The following MRPL45 variants were observed in gnomAD, a reference collection of about 807,000 sequenced individuals.
MRPL45 encodes large ribosomal subunit protein mL45.
A neutral mutation model predicts 38.1 loss-of-function variants in MRPL45; 20 were observed. That is an observed-to-expected ratio of 0.53 (90% CI 0.37 to 0.76). The LOEUF (loss-of-function observed/expected upper bound fraction) is 0.76. Ranked by LOEUF, MRPL45 falls within the 30% of genes least tolerant of loss-of-function variation. MRPL45 has a pLI of 0.00. For missense variants in MRPL45, 337 were observed against 395.6 expected (o/e 0.85, Z 1.26); for synonymous variants, 105 against 128.8 (o/e 0.82, Z 1.25).
chr17:38,302,505 A>ATT (rs1567713066), intron 3 of MRPL45, among the ~76,000 whole-genome samples: 1 of 50,586 alleles, frequency 2.0e-5, no homozygotes, highest in African/African-American at 4.8e-5. Flanking sequence ...AAAAAAAAAA[A>ATT]GTTTGTTTTT....
chr17:38,302,472 G>T (rs1482877397), intron 3 of MRPL45, among the ~76,000 whole-genome samples: 1 of 119,740 alleles, frequency 8.4e-6, no homozygotes, highest in Non-Finnish European at 1.6e-5. Context: ...GGGCAACAGA[G>T]TGAGACTCCA....
At chr17:38,316,970 G>A (rs1474130156) in intron 4 of MRPL45, among the ~76,000 whole-genome samples, 2 of 151,838 alleles carry the variant, frequency 1.3e-5, no homozygotes, top group African/African-American at 2.4e-5. Context: ...GCTAATTTTT[G>A]TATTTTTAGT....
intron 3 of MRPL45, among the ~76,000 whole-genome samples, chr17:38,300,267 C>T (rs566520652): frequency 1.6e-4 from 24 of 151,950 alleles, no homozygotes; most frequent in Non-Finnish European, 2.5e-4. Flanking sequence ...CCACCCACCT[C>T]AGCCTCCTGA....
At position 38,318,799 on chromosome 17, in the gene MRPL45, T is replaced by C. The variant is rs974683907; in HGVS notation, c.510+64T>C. ...GTGGGCAGATTCTAGATGGCGTCTCTGGTTTTTCTTTTCTTTTCTTTTCTT... is the reference window on the plus strand; with the variant it reads ...GTGGGCAGATTCTAGATGGCGTCTCCGGTTTTTCTTTTCTTTTCTTTTCTT... On this transcript the variant is annotated intron_variant, in intron 5 of 7. Transcript: ENST00000613675. 6 of 1,128,084 alleles carry C rather than the reference T, an allele frequency of 5.3e-6. No individual in the cohort carries two copies. In the African/African-American group the frequency reaches 8.3e-5, roughly 16 times the overall value. The allele number at this position is 1,128,084 out of a possible 1,614,324, so 69.9% of individuals were successfully genotyped here.
Position 38,313,321 on chromosome 17 carries a change from T to A in MRPL45, c.462-5366T>A, listed in dbSNP as rs562442137. 2.1e-3 allele frequency among the ~76,000 whole-genome samples: 75 copies of A among 35,056 alleles called. 3 individuals are homozygous for A. Among genetic ancestry groups the A allele is most frequent in the Non-Finnish European group, 2.8e-3 (60 of 21,076 alleles). The allele number at this position is 35,056 out of a possible 152,430, so 23.0% of individuals were successfully genotyped here. On this transcript the variant is annotated intron_variant, in intron 4 of 7. Coordinates refer to ENST00000613675, the MANE Select transcript of MRPL45 (RefSeq NM_032351.6). ...TTAAAAAAAAAAAAAAATATATATA[T>A]ATATATATATACATATATATATATA... is the stretch of plus-strand genomic sequence containing the variant.
chr17:38,299,393 G>A lies in MRPL45; in HGVS notation c.287G>A (p.Arg96His), dbSNP rs201673456. Residue 96 changes from arginine (R) to histidine (H), a missense_variant, in exon 3 of 8, where the codon CGC becomes CAC. Physicochemically the swap from Arg to His is conservative, Grantham distance 29. This residue lies in a region of MRPL45 where 60 missense variants were observed against 109.6 expected (regional missense o/e 0.55). Coordinates refer to ENST00000613675, the MANE Select transcript of MRPL45 (RefSeq NM_032351.6). ...DAYVPPEGDA[R>H]ISSLSKEGLI... ...TATGTTCCTCCTGAGGGTGATGCAC[G>A]CATATCATCTCTTTCAAAGGAGGGA... The A allele has an allele frequency of 2.3e-4, 368 of 1,611,754 alleles. 2 individuals carry two copies. The highest frequency in any genetic ancestry group is 1.8e-3 in the South Asian group (162 of 90,270).
At chr17:38,309,254 C>T (rs1423303447) in intron 4 of MRPL45, among the ~76,000 whole-genome samples, 3 of 150,114 alleles carry the variant, frequency 2.0e-5, no homozygotes, top group Admixed American at 6.7e-5. Flanking sequence ...TGGTGGCTCT[C>T]GCTTGTAATC....
At chr17:38,300,454 A>G (rs565210999) in intron 3 of MRPL45, among the ~76,000 whole-genome samples, 2,587 of 152,172 alleles carry the variant, frequency 0.017, 75 homozygotes, top group African/African-American at 0.06. Context: ...GTGACCCGTC[A>G]CACCCAGCCA....
At chr17:38,318,649 G>A in intron 4 of MRPL45, 38 bp from the exon 5 acceptor site, 1 of 1,464,700 alleles carries the variant, frequency 6.8e-7, no homozygotes, top group Non-Finnish European at 9.6e-7. Context: ...GGTATTATAA[G>A]AGCAATAGTC....
At position 38,322,923 on chromosome 17, in the gene MRPL45, A is replaced by G. The variant is rs2037245987; in HGVS notation, c.*328A>G. Reference sequence around the variant, plus strand: ...AGACAACCAGCAGCATCCTCTTTGTAATCACAGGGCAGGGATCAGAGTTTG... The same window carrying G: ...AGACAACCAGCAGCATCCTCTTTGTGATCACAGGGCAGGGATCAGAGTTTG... On this transcript the variant is annotated 3_prime_UTR_variant, in exon 8 of 8. Transcript: ENST00000613675. 3.8e-6 allele frequency: 1 copy of G among 263,708 alleles called. No homozygotes were observed. The highest frequency in any genetic ancestry group is 4.9e-5 in the Admixed American group (1 of 20,408). 16.3% of individuals were successfully genotyped at this position (263,708 alleles called of 1,614,324 possible).
At chr17:38,320,275 A>G (rs1051937315) in intron 5 of MRPL45, among the ~76,000 whole-genome samples, 1 of 152,202 alleles carries the variant, frequency 6.6e-6, no homozygotes, top group Non-Finnish European at 1.5e-5. Context: ...ACACAAGTAC[A>G]TGCAATAATT....
At chr17:38,303,467 T>C (rs2037019758) in intron 3 of MRPL45, among the ~76,000 whole-genome samples, 1 of 151,824 alleles carries the variant, frequency 6.6e-6, no homozygotes, top group Non-Finnish European at 1.5e-5. Context: ...CTGGCTGTTT[T>C]GTATTTTTAG....
intron 2 of MRPL45, 70 bp from the exon 3 acceptor site, chr17:38,299,281 A>T: frequency 9.7e-7 from 1 of 1,029,884 alleles, no homozygotes; most frequent in South Asian, 1.7e-5. Context: ...CCAATTTTAC[A>T]TTACTTCAAT....
intron 5 of MRPL45, 92 bp downstream of exon 5, chr17:38,318,827 C>CTT: frequency 4.3e-4 from 52 of 119,702 alleles, no homozygotes; most frequent in Middle Eastern, 2.0e-3. Flanking sequence ...CTTTTCTTTT[C>CTT]TTTTTTTTTT....
intron 4 of MRPL45, among the ~76,000 whole-genome samples, chr17:38,307,328 G>A (rs1044780189): frequency 6.8e-6 from 1 of 148,104 alleles, no homozygotes; most frequent in African/African-American, 2.5e-5. Flanking sequence ...GAGCCACCAC[G>A]CCCGGCCCCC....
At chr17:38,322,083 CACCAAAAAA>C (rs1193598054) in intron 6 of MRPL45, 34 bp from the exon 7 acceptor site, 1 of 1,590,360 alleles carries the variant, frequency 6.3e-7, no homozygotes, top group South Asian at 1.1e-5. Context: ...CACACTCACA[CACCAAAAAA>C]ACTAAGAGGC....
chr17:38,322,342 G>A (rs369402295), intron 7 of MRPL45, 43 bp downstream of exon 7: 103 of 1,598,398 alleles, frequency 6.4e-5, no homozygotes, highest in Non-Finnish European at 8.5e-5. Context: ...GGCACTACTC[G>A]TGGTCTCCTA....
intron 6 of MRPL45, among the ~76,000 whole-genome samples, chr17:38,321,013 G>C (rs7220395): frequency 0.82 from 124,976 of 151,732 alleles, 53,150 homozygotes; most frequent in South Asian, 0.93. Flanking sequence ...GTCTCATTCT[G>C]TCACCCAGGC....
At position 38,307,459 on chromosome 17, in the gene MRPL45, C is replaced by T. The variant is rs536463508; in HGVS notation, c.461+828C>T. ...GTTCTCTCAAGGAATCTACTTAGTCCGTCAAGTAGAGCTGGGACCACCAGC... is the reference window on the plus strand; with the variant it reads ...GTTCTCTCAAGGAATCTACTTAGTCTGTCAAGTAGAGCTGGGACCACCAGC... On this transcript the variant is annotated intron_variant, in intron 4 of 7. Coordinates refer to ENST00000613675, the MANE Select transcript of MRPL45 (RefSeq NM_032351.6). Among the ~76,000 whole-genome samples, 4 of 152,102 alleles carry T rather than the reference C, an allele frequency of 2.6e-5. No individual in the cohort carries two copies. The South Asian group carries it at 6.2e-4, about 24-fold the overall frequency.
Sources: gnomAD v4.1 joint callset for allele counts (sites outside exome capture counted in the v4.1 genomes callset) on GRCh38, gnomAD v4.1.1 for gene constraint, gnomAD v4.1.1 regional missense constraint, MANE v1.5 for transcripts, NCBI Gene and HGNC (gene_info 2026-07-23, HGNC 2026-07-21) for gene names.